Variants in EYS observed in about 807,000 individuals in gnomAD.
EYS encodes EGF-like photoreceptor maintenance factor, also known as protein eyes shut homolog.
A neutral mutation model predicts 282.1 loss-of-function variants in EYS; 250 were observed. The ratio of observed to expected loss-of-function variants is 0.89; its 90% CI spans 0.80 to 0.98. The LOEUF (loss-of-function observed/expected upper bound fraction) is 0.98, where lower values mean the gene tolerates loss of function less well. Among genes scored for constraint, EYS ranks in the 50% least tolerant of loss-of-function variants. EYS has a pLI of 0.00. For missense variants in EYS, 4,016 were observed against 3,709.0 expected (o/e 1.08, Z -2.15); for synonymous variants, 1,355 against 1,282.9 (o/e 1.06, Z -1.20).
chr6:64,359,494 C>A (rs910751821), intron 29 of EYS, among the ~76,000 whole-genome samples: 5 of 151,688 alleles, frequency 3.3e-5, no homozygotes, highest in African/African-American at 4.8e-5. Flanking sequence ...TCGTACTTTA[C>A]AATAAAATCT....
intron 19 of EYS, among the ~76,000 whole-genome samples, chr6:64,880,807 C>A (rs538068047): frequency 3.0e-4 from 45 of 149,160 alleles, no homozygotes; most frequent in African/African-American, 1.1e-3. Context: ...TACACACATA[C>A]TTATGTATAA....
At chr6:64,654,327 T>C (rs1768671726) in intron 22 of EYS, among the ~76,000 whole-genome samples, 1 of 152,198 alleles carries the variant, frequency 6.6e-6, no homozygotes, top group Admixed American at 6.5e-5. Flanking sequence ...GATCATTCAA[T>C]AATCATTTAA....
chr6:65,078,759 G>A (rs1774134236), intron 12 of EYS, among the ~76,000 whole-genome samples: 1 of 151,930 alleles, frequency 6.6e-6, no homozygotes, highest in African/African-American at 2.4e-5. Flanking sequence ...CAAATCTCAT[G>A]TTGAATTGTA....
chr6:63,764,948 C>G (rs1381464127), intron 40 of EYS, among the ~76,000 whole-genome samples: 1 of 151,816 alleles, frequency 6.6e-6, no homozygotes, highest in Non-Finnish European at 1.5e-5. Context: ...AAATTTCAAG[C>G]CTTCATTAGT....
chr6:64,007,726 G>A (rs557957673), intron 33 of EYS, among the ~76,000 whole-genome samples: 6 of 152,230 alleles, frequency 3.9e-5, no homozygotes, highest in African/African-American at 1.4e-4. Flanking sequence ...ATTGATTTCT[G>A]CCTTAATTTC....
rs535350834 is a variant in EYS, at chr6:65,689,440, G to A, written c.-448+17695C>T. Among the ~76,000 whole-genome samples, 10 of 148,420 alleles carry A rather than the reference G, an allele frequency of 6.7e-5. 1 individual carries two copies. Among genetic ancestry groups the A allele is most frequent in the Non-Finnish European group, 1.0e-4 (7 of 66,940 alleles). Reference sequence around the variant, plus strand: ...CCTAATGTTAAATGACGATTTACTGGGTGCAGCACACCAACATGGCACATG... The same window carrying A: ...CCTAATGTTAAATGACGATTTACTGAGTGCAGCACACCAACATGGCACATG... On this transcript the variant is annotated intron_variant, in intron 1 of 42. Coordinates refer to ENST00000503581, the MANE Select transcript of EYS (RefSeq NM_001142800.2).
chr6:64,201,392 G>T lies in EYS; in HGVS notation c.6424+29200C>A, dbSNP rs565007519. On this transcript the variant is annotated intron_variant, in intron 31 of 42. Coordinates refer to ENST00000503581, the MANE Select transcript of EYS (RefSeq NM_001142800.2). Reference sequence around the variant, plus strand: ...GTGAGCTATTATTCAATATGTTGGGGCTAATGGAGCTTTAAATAAAATGGA... The same window carrying T: ...GTGAGCTATTATTCAATATGTTGGGTCTAATGGAGCTTTAAATAAAATGGA... Among the ~76,000 whole-genome samples the T allele has an allele frequency of 1.8e-4, 28 of 152,160 alleles. No homozygotes were observed. In the South Asian group the frequency reaches 2.3e-3, roughly 12 times the overall value.
intron 12 of EYS, among the ~76,000 whole-genome samples, chr6:65,187,047 G>C (rs1179053279): frequency 6.6e-6 from 1 of 151,696 alleles, no homozygotes; most frequent in Admixed American, 6.6e-5. Flanking sequence ...ACTATTTGGG[G>C]TTGTATACTC....
chr6:64,881,229 GA>G (rs1766909416), intron 19 of EYS, among the ~76,000 whole-genome samples: 1 of 151,706 alleles, frequency 6.6e-6, no homozygotes, highest in Non-Finnish European at 1.5e-5. Context: ...ACATTAAAAA[GA>G]AAGCTCATTT....
chr6:64,039,602 A>G (rs886989700), intron 33 of EYS, among the ~76,000 whole-genome samples: 2 of 152,184 alleles, frequency 1.3e-5, no homozygotes, highest in South Asian at 2.1e-4. Context: ...ACTAACTGGA[A>G]TAAAATATGT....
chr6:64,899,591 TAGAC>T (rs1313962373), intron 18 of EYS, among the ~76,000 whole-genome samples: 10 of 151,782 alleles, frequency 6.6e-5, no homozygotes, highest in East Asian at 1.9e-4. Context: ...CAAACATTAA[TAGAC>T]AGAGAACCAA....
At chr6:65,272,133 T>G (rs1767922803) in intron 12 of EYS, among the ~76,000 whole-genome samples, 2 of 152,174 alleles carry the variant, frequency 1.3e-5, no homozygotes, top group Non-Finnish European at 2.9e-5. Context: ...TTACTTTATA[T>G]TTCTAAATTT....
At chr6:64,830,037 C>G (rs1368663742) in intron 19 of EYS, among the ~76,000 whole-genome samples, 5 of 151,852 alleles carry the variant, frequency 3.3e-5, no homozygotes, top group Non-Finnish European at 7.4e-5. Flanking sequence ...TTGTGTTCCC[C>G]GCAAATTCAC....
At position 65,565,244 on chromosome 6, in the gene EYS, C is replaced by CAAAAAAAAAAA. The variant is rs765596305; in HGVS notation, c.-332-69262_-332-69252dup. Among the ~76,000 whole-genome samples the CAAAAAAAAAAA allele has an allele frequency of 2.5e-3, 4 of 1,618 alleles. 2 individuals are homozygous for CAAAAAAAAAAA. The East Asian group carries it at 0.22, about 90-fold the overall frequency. 1.1% of individuals were successfully genotyped at this position (1,618 alleles called of 152,430 possible). A position where few individuals can be genotyped will look rare whatever the true frequency, so the allele number is the denominator to read the frequency against. ...TGGGCGACAGAGCGAGACTCCGTCTCAAAAAAAAAAAAAAAAAAAAAAAAA... is the reference window on the plus strand; with the variant it reads ...TGGGCGACAGAGCGAGACTCCGTCTCAAAAAAAAAAAAAAAAAAAAAAAAAAAAAAAAAAAA... On this transcript the variant is annotated intron_variant, in intron 2 of 42. Coordinates refer to ENST00000503581, the MANE Select transcript of EYS (RefSeq NM_001142800.2).
chr6:64,341,714 C>T (rs1771120136), intron 29 of EYS, among the ~76,000 whole-genome samples: 2 of 151,688 alleles, frequency 1.3e-5, no homozygotes, highest in Non-Finnish European at 3.0e-5. Context: ...ATCCCAACTA[C>T]TCCCACTATC....
At chr6:63,952,958 C>T (rs1765662724) in intron 35 of EYS, among the ~76,000 whole-genome samples, 1 of 152,168 alleles carries the variant, frequency 6.6e-6, no homozygotes, top group Non-Finnish European at 1.5e-5. Context: ...ACTCTCCTGA[C>T]AATTCTCCCA....
At chr6:64,337,351 C>A (rs1770892163) in intron 29 of EYS, among the ~76,000 whole-genome samples, 1 of 151,752 alleles carries the variant, frequency 6.6e-6, no homozygotes, top group African/African-American at 2.4e-5. Flanking sequence ...ACTATGAACA[C>A]CTTTATGCAC....
chr6:64,113,457 T>C (rs1773274977), intron 31 of EYS, among the ~76,000 whole-genome samples: 1 of 152,168 alleles, frequency 6.6e-6, no homozygotes, highest in Non-Finnish European at 1.5e-5. Context: ...ACTATATTTG[T>C]CTCTAAAGTA....
intron 39 of EYS, among the ~76,000 whole-genome samples, chr6:63,779,951 A>G (rs988629902): frequency 1.3e-5 from 2 of 151,970 alleles, no homozygotes; most frequent in South Asian, 2.1e-4. Flanking sequence ...CCTGTGTCCA[A>G]GTGTTCTCAT....
Sources: gnomAD v4.1 joint callset for allele counts (sites outside exome capture counted in the v4.1 genomes callset) on GRCh38, gnomAD v4.1.1 for gene constraint, MANE v1.5 for transcripts, NCBI Gene and HGNC (gene_info 2026-07-23, HGNC 2026-07-21) for gene names.